The following GHR variants were observed in gnomAD, a reference collection of about 807,000 sequenced individuals.
GHR encodes the protein GH receptor.
In GHR, 35 loss-of-function variants were observed where a neutral mutation model predicts 67.1. The ratio of observed to expected loss-of-function variants is 0.52; its 90% CI spans 0.40 to 0.69. The LOEUF is 0.69. Among genes scored for constraint, GHR ranks in the 30% least tolerant of loss-of-function variants. The probability of loss-of-function intolerance (pLI) is 0.00; values close to 1 mark genes in which losing one functional copy is unlikely to be tolerated. For synonymous variants in GHR, 272 were observed against 269.1 expected (o/e 1.01, Z -0.10); for missense variants, 792 against 764.6 (o/e 1.04, Z -0.42).
At chr5:42,514,473 T>TAAAA (rs5867591) in intron 1 of GHR, 3 of 192,746 alleles carry the variant, frequency 1.6e-5, no homozygotes, top group African/African-American at 4.9e-5. Flanking sequence ...GTTCTAGATT[T>TAAAA]AAAAAAAAAA....
At chr5:42,654,292 A>C (rs186878268) in intron 3 of GHR, among the ~76,000 whole-genome samples, 2 of 152,282 alleles carry the variant, frequency 1.3e-5, no homozygotes, top group East Asian at 3.9e-4. Context: ...CTTGAGCATT[A>C]AACGTCTCTA....
intron 1 of GHR, among the ~76,000 whole-genome samples, chr5:42,553,223 T>C (rs1749128574): frequency 6.6e-6 from 1 of 152,220 alleles, no homozygotes; most frequent in South Asian, 2.1e-4. Flanking sequence ...ACTGGGCTCT[T>C]GCTTAGAGTT....
At chr5:42,596,521 G>T (rs1257755930) in intron 2 of GHR, among the ~76,000 whole-genome samples, 3 of 152,096 alleles carry the variant, frequency 2.0e-5, no homozygotes, top group Non-Finnish European at 2.9e-5. Context: ...GGAGCACCAG[G>T]GCCCTTAGAC....
At chr5:42,468,535 G>A in intron 1 of GHR, 1 of 812,162 alleles carries the variant, frequency 1.2e-6, no homozygotes, top group Non-Finnish European at 2.0e-6. Context: ...CTACTGGCAC[G>A]AGAACAATGA....
intron 3 of GHR, among the ~76,000 whole-genome samples, chr5:42,644,653 TA>T (rs1337394529): frequency 2.0e-5 from 3 of 152,120 alleles, no homozygotes; most frequent in African/African-American, 4.8e-5. Context: ...TATGTTTTTT[TA>T]AATGAGAAAG....
At chr5:42,571,464 G>T (rs746798642) in intron 2 of GHR, among the ~76,000 whole-genome samples, 1 of 152,200 alleles carries the variant, frequency 6.6e-6, no homozygotes, top group African/African-American at 2.4e-5. Flanking sequence ...CATTGCTAGA[G>T]TATGTACTTA....
intron 3 of GHR, among the ~76,000 whole-genome samples, chr5:42,645,587 G>T (rs926254835): frequency 2.6e-5 from 4 of 152,132 alleles, no homozygotes; most frequent in African/African-American, 9.7e-5. Flanking sequence ...TGAAGCTATA[G>T]CTTTCAAGCT....
intron 3 of GHR, among the ~76,000 whole-genome samples, chr5:42,678,653 G>A (rs1217570734): frequency 6.6e-6 from 1 of 152,150 alleles, no homozygotes; most frequent in Admixed American, 6.5e-5. Context: ...ATCTATGCCA[G>A]ACAAAGGAAA....
In GHR at chr5:42,475,588, A is replaced by ATT. The variant is rs577019409; in HGVS notation, c.-12+51644_-12+51645dup. On this transcript the variant is annotated intron_variant, in intron 1 of 9. Transcript: ENST00000230882. ...GCGCATTTTGTATTTGTAATTATGT[A>ATT]TTTTTTTTTTTTCTTAAAAAGGACC... Among the ~76,000 whole-genome samples, 450 of 145,282 alleles carry ATT rather than the reference A, an allele frequency of 3.1e-3. 3 individuals are homozygous for ATT. Among genetic ancestry groups the ATT allele is most frequent in the African/African-American group, 9.8e-3 (390 of 39,628 alleles).
intron 1 of GHR, among the ~76,000 whole-genome samples, chr5:42,498,918 G>T (rs917530163): frequency 3.3e-5 from 5 of 152,254 alleles, no homozygotes; most frequent in Middle Eastern, 3.4e-3. Context: ...TGAGAAAATT[G>T]ACAATCTCTG....
chr5:42,691,242 A>G (rs1466439124), intron 4 of GHR, among the ~76,000 whole-genome samples: 2 of 152,242 alleles, frequency 1.3e-5, no homozygotes, highest in Non-Finnish European at 2.9e-5. Context: ...AGTGTTTGGA[A>G]TCCCAGGAGG....
chr5:42,525,057 C>A (rs910140151), intron 1 of GHR, among the ~76,000 whole-genome samples: 4 of 152,198 alleles, frequency 2.6e-5, no homozygotes, highest in African/African-American at 9.6e-5. Flanking sequence ...GGTCAGAGCC[C>A]CCACACAGAG....
chr5:42,480,450 T>C (rs1745571341), intron 1 of GHR, among the ~76,000 whole-genome samples: 1 of 152,208 alleles, frequency 6.6e-6, no homozygotes. Context: ...CTTGTTAACT[T>C]TCTGTCTCGT....
intron 2 of GHR, among the ~76,000 whole-genome samples, chr5:42,609,309 A>T (rs1752776332): frequency 6.6e-6 from 1 of 152,184 alleles, no homozygotes; most frequent in South Asian, 2.1e-4. Flanking sequence ...CCCAATGAAG[A>T]CCAAGGGTTC....
intron 1 of GHR, among the ~76,000 whole-genome samples, chr5:42,502,588 CA>C (rs1746583882): frequency 6.6e-6 from 1 of 151,806 alleles, no homozygotes; most frequent in Non-Finnish European, 1.5e-5. Flanking sequence ...GTTCTTTAGT[CA>C]GAAAAATATT....
chr5:42,601,687 A>G (rs1201401865), intron 2 of GHR, among the ~76,000 whole-genome samples: 1 of 152,108 alleles, frequency 6.6e-6, no homozygotes, highest in Non-Finnish European at 1.5e-5. Context: ...GCTAAACTAT[A>G]ATATGATTTA....
At chr5:42,709,226 A>C (rs1232137532) in intron 6 of GHR, among the ~76,000 whole-genome samples, 1 of 152,106 alleles carries the variant, frequency 6.6e-6, no homozygotes, top group Non-Finnish European at 1.5e-5. Flanking sequence ...CTCCACCTCC[A>C]GAGTTCAAGT....
chr5:42,534,518 G>A (rs1439016686), intron 1 of GHR, among the ~76,000 whole-genome samples: 1 of 150,224 alleles, frequency 6.7e-6, no homozygotes, highest in African/African-American at 2.5e-5. Flanking sequence ...ATGTATATGT[G>A]TATATATGTA....
intron 1 of GHR, among the ~76,000 whole-genome samples, chr5:42,486,482 T>A (rs564994677): frequency 2.6e-5 from 4 of 152,200 alleles, no homozygotes; most frequent in Non-Finnish European, 5.9e-5. Flanking sequence ...GTCGACAATT[T>A]CAGATTCAAC....
Sources: gnomAD v4.1 joint callset for allele counts (sites outside exome capture counted in the v4.1 genomes callset) on GRCh38, gnomAD v4.1.1 for gene constraint, MANE v1.5 for transcripts, NCBI Gene and HGNC (gene_info 2026-07-23, HGNC 2026-07-21) for gene names.